Variants in ADAMTS17 observed in about 807,000 individuals in gnomAD.
ADAMTS17 encodes ADAM metallopeptidase with thrombospondin type 1 motif 17.
ADAMTS17 carries 113 observed loss-of-function variants against 141.5 expected under a neutral mutation model. The ratio of observed to expected loss-of-function variants is 0.80; its 90% CI spans 0.69 to 0.93. The LOEUF (loss-of-function observed/expected upper bound fraction) is 0.93. Among genes scored for constraint, ADAMTS17 ranks in the 40% least tolerant of loss-of-function variants. The pLI is 0.00. For synonymous variants in ADAMTS17, 768 were observed against 630.6 expected (o/e 1.22, Z -3.27); for missense variants, 1,659 against 1,517.9 (o/e 1.09, Z -1.54).
intron 10 of ADAMTS17, among the ~76,000 whole-genome samples, chr15:100,145,348 T>A (rs1034394663): frequency 2.0e-5 from 3 of 152,230 alleles, no homozygotes; most frequent in African/African-American, 7.2e-5. Flanking sequence ...GACTTTTAAT[T>A]GCTTCACCCC....
chr15:100,038,558 T>TGCC (rs2030966562), intron 18 of ADAMTS17, among the ~76,000 whole-genome samples: 1 of 152,210 alleles, frequency 6.6e-6, no homozygotes, highest in African/African-American at 2.4e-5. Context: ...TTTATTAAAT[T>TGCC]TATTCCAAAG....
rs1039571790 is a variant in ADAMTS17, at chr15:100,142,734, A to G, written c.1474-9419T>C. On this transcript the variant is annotated intron_variant, in intron 10 of 21. Transcript: ENST00000268070. ...TCAGGCACTGTGTGATCTAGAAAGCATCTCCACACTGTACCAAAAGGCAAT... is the reference window on the plus strand; with the variant it reads ...TCAGGCACTGTGTGATCTAGAAAGCGTCTCCACACTGTACCAAAAGGCAAT... Among the ~76,000 whole-genome samples the G allele has an allele frequency of 2.6e-5, 4 of 152,168 alleles. No individual in the cohort carries two copies. The East Asian group carries it at 7.7e-4, about 29-fold the overall frequency.
chr15:100,206,963 G>A (rs2041594400), intron 7 of ADAMTS17, among the ~76,000 whole-genome samples: 1 of 152,216 alleles, frequency 6.6e-6, no homozygotes, highest in Non-Finnish European at 1.5e-5. Context: ...GAGCCAGGAA[G>A]AAGGCAGAGT....
chr15:100,040,515 T>C lies in ADAMTS17; in HGVS notation c.2591+8342A>G, dbSNP rs543008844. 2.0e-5 allele frequency among the ~76,000 whole-genome samples: 3 copies of C among 152,318 alleles called. No homozygotes were observed. In the East Asian group the frequency reaches 5.8e-4, roughly 29 times the overall value. On this transcript the variant is annotated intron_variant, in intron 18 of 21. Transcript: ENST00000268070. ...TCAAGTGCTTGATGGTTTTCATATT[T>C]TATTACTCAGAAAAATCAGGAAGAG...
At chr15:100,015,569 G>A (rs957337610) in intron 18 of ADAMTS17, among the ~76,000 whole-genome samples, 3 of 152,100 alleles carry the variant, frequency 2.0e-5, no homozygotes, top group East Asian at 1.9e-4. Context: ...TGGTAGTGGC[G>A]AATTCTCTCA....
At chr15:100,250,207 A>G (rs2043110593) in intron 7 of ADAMTS17, among the ~76,000 whole-genome samples, 1 of 152,228 alleles carries the variant, frequency 6.6e-6, no homozygotes, top group South Asian at 2.1e-4. Flanking sequence ...CCCTCTTTAC[A>G]TATATGTGAG....
At chr15:100,285,756 C>T (rs74037445) in intron 3 of ADAMTS17, among the ~76,000 whole-genome samples, 1,787 of 152,278 alleles carry the variant, frequency 0.012, 36 homozygotes, top group African/African-American at 0.041. Flanking sequence ...GGGCAGGACT[C>T]CAGCCTGTGT....
At position 99,976,130 on chromosome 15, in the gene ADAMTS17, G is replaced by C; in HGVS notation, c.3042C>G (p.Leu1014=). 6.4e-7 allele frequency: 1 copy of C among 1,551,260 alleles called. No individual in the cohort carries two copies. The highest frequency in any genetic ancestry group is 8.7e-7 in the Non-Finnish European group (1 of 1,146,970). The change falls in exon 21 of 22, where the codon CTC becomes CTG. Residue 1014 remains leucine (L), a synonymous_variant. Transcript: ENST00000268070. ...TGRHGSECPA[L]SKPAPYRQCY... ...ACTGTCTGTAGGGGGCAGGCTTCGA[G>C]AGGGCGGGGCACTCGCTGCCGTGGC...
intron 7 of ADAMTS17, among the ~76,000 whole-genome samples, chr15:100,204,064 A>G (rs574485668): frequency 6.6e-6 from 1 of 152,306 alleles, no homozygotes; most frequent in East Asian, 1.9e-4. Flanking sequence ...TTTTCTCAGT[A>G]GAAGCATAAT....
intron 3 of ADAMTS17, among the ~76,000 whole-genome samples, chr15:100,283,639 T>C (rs1320727215): frequency 6.6e-6 from 1 of 152,200 alleles, no homozygotes; most frequent in Non-Finnish European, 1.5e-5. Context: ...TTTCACACCT[T>C]GTCGTATATT....
At chr15:100,057,589 C>T (rs1014169376) in intron 15 of ADAMTS17, among the ~76,000 whole-genome samples, 1 of 152,190 alleles carries the variant, frequency 6.6e-6, no homozygotes, top group Non-Finnish European at 1.5e-5. Flanking sequence ...CATGACACGG[C>T]ATCTGTTTCT....
At chr15:100,050,163 T>G (rs775125888) in intron 17 of ADAMTS17, among the ~76,000 whole-genome samples, 2 of 152,102 alleles carry the variant, frequency 1.3e-5, no homozygotes, top group Non-Finnish European at 2.9e-5. Context: ...CGGAACTGCT[T>G]TCAGCTTTGG....
chr15:100,103,998 T>C (rs2036275314), intron 14 of ADAMTS17, among the ~76,000 whole-genome samples: 1 of 152,210 alleles, frequency 6.6e-6, no homozygotes. Flanking sequence ...GGCTTGGTAT[T>C]CATCAAGCCC....
intron 7 of ADAMTS17, among the ~76,000 whole-genome samples, chr15:100,239,149 C>T (rs2042750612): frequency 6.6e-6 from 1 of 152,204 alleles, no homozygotes; most frequent in African/African-American, 2.4e-5. Context: ...GGGGTCAGAG[C>T]CTAGCTTGGC....
chr15:100,238,167 C>T (rs1180327642), intron 7 of ADAMTS17, among the ~76,000 whole-genome samples: 2 of 152,244 alleles, frequency 1.3e-5, no homozygotes, highest in African/African-American at 4.8e-5. Flanking sequence ...TGGCCCTGGC[C>T]TGCAAACGGG....
chr15:100,130,822 G>T (rs1397219101), intron 12 of ADAMTS17, among the ~76,000 whole-genome samples: 1 of 150,650 alleles, frequency 6.6e-6, no homozygotes, highest in African/African-American at 2.5e-5. Context: ...AAAAGAAATG[G>T]TAAGAAATGG....
intron 10 of ADAMTS17, among the ~76,000 whole-genome samples, chr15:100,138,097 G>A (rs2038431570): frequency 6.6e-6 from 1 of 152,138 alleles, no homozygotes; most frequent in African/African-American, 2.4e-5. Flanking sequence ...AAGGTCAGGA[G>A]ATCTATCTGA....
intron 15 of ADAMTS17, among the ~76,000 whole-genome samples, chr15:100,093,357 A>T (rs895514430): frequency 6.6e-6 from 1 of 152,108 alleles, no homozygotes; most frequent in African/African-American, 2.4e-5. Context: ...CCAGCATTTG[A>T]TTCCGCTTTA....
At chr15:100,094,756 C>G (rs1194674497) in intron 15 of ADAMTS17, among the ~76,000 whole-genome samples, 2 of 152,202 alleles carry the variant, frequency 1.3e-5, no homozygotes, top group Admixed American at 1.3e-4. Context: ...AAGTAGTAAT[C>G]CTTTACCAAC....
Sources: gnomAD v4.1 joint callset for allele counts (sites outside exome capture counted in the v4.1 genomes callset) on GRCh38, gnomAD v4.1.1 for gene constraint, MANE v1.5 for transcripts, NCBI Gene and HGNC (gene_info 2026-07-23, HGNC 2026-07-21) for gene names.